PSMD4: variants seen among roughly 807,000 people sequenced by gnomAD.
The protein encoded by PSMD4 is 26S proteasome non-ATPase regulatory subunit 4.
A neutral mutation model predicts 39.7 loss-of-function variants in PSMD4; 5 were observed. The ratio of observed to expected loss-of-function variants is 0.13; its 90% CI spans 0.07 to 0.26. The LOEUF is 0.26. PSMD4 is among the 10% of genes least tolerant of loss of function. The probability of loss-of-function intolerance (pLI) is 1.00; values close to 1 mark genes in which losing one functional copy is unlikely to be tolerated. For missense variants in PSMD4, 272 were observed against 486.1 expected (o/e 0.56, Z 4.14); for synonymous variants, 143 against 174.6 (o/e 0.82, Z 1.43).
At chr1:151,256,651 A>G (rs1267731135) in intron 1 of PSMD4, among the ~76,000 whole-genome samples, 1 of 148,910 alleles carries the variant, frequency 6.7e-6, no homozygotes, top group Non-Finnish European at 1.5e-5. Flanking sequence ...TGGCCAGGCT[A>G]GTCTCAAACT....
chr1:151,264,594 G>C (rs1693385010), intron 3 of PSMD4, among the ~76,000 whole-genome samples: 2 of 150,822 alleles, frequency 1.3e-5, no homozygotes, highest in Admixed American at 1.3e-4. Flanking sequence ...CTGGGCGACA[G>C]AGCGAGACTC....
At chr1:151,256,629 G>A (rs1483182409) in intron 1 of PSMD4, among the ~76,000 whole-genome samples, 1 of 149,994 alleles carries the variant, frequency 6.7e-6, no homozygotes, top group Non-Finnish European at 1.5e-5. Context: ...TAGAGACGGG[G>A]TTTCATCATG....
chr1:151,264,903 G>T lies in PSMD4; in HGVS notation c.354G>T (p.Glu118Asp), dbSNP rs746131111. The T allele has an allele frequency of 1.2e-6, 2 of 1,612,634 alleles. No individual in the cohort carries two copies. Among genetic ancestry groups the T allele is most frequent in the Non-Finnish European group, 1.7e-6 (2 of 1,179,054 alleles). ...RIIAFVGSPV[E>D]DNEKDLVKLA... ...TTGCCTTTGTGGGAAGCCCAGTGGA[G>T]GACAATGAGAAGGATGTGAGTCCAA... Residue 118 changes from glutamate (E) to aspartate (D), a missense_variant, in exon 4 of 10, where the codon GAG becomes GAT. Glu to Asp is a conservative substitution (Grantham distance 45). Around this residue, in one of 3 missense-constraint regions of PSMD4, gnomAD observed 153 missense variants for 257.6 expected, o/e 0.59. Transcript: ENST00000368884.
At chr1:151,258,941 C>CA (rs1336365664) in intron 1 of PSMD4, 1 of 152,090 alleles carries the variant, frequency 6.6e-6, no homozygotes, top group Non-Finnish European at 1.5e-5. Flanking sequence ...TGGCCAGGTG[C>CA]GGTGGCTTAC....
chr1:151,262,051 A>G (rs916357999), intron 1 of PSMD4, 110 bp from the exon 2 acceptor site: 28 of 1,164,420 alleles, frequency 2.4e-5, no homozygotes, highest in African/African-American at 2.3e-4. Context: ...AAAAAAAGCT[A>G]CAGGTGATGC....
rs778812221 is a variant in PSMD4 at position 151,265,475 on chromosome 1, C to A, written c.520C>A (p.Pro174Thr). Residue 174 changes from proline to threonine, a missense_variant, in exon 6 of 10, where the codon CCT becomes ACT. Pro to Thr is a conservative substitution (Grantham distance 38). Transcript: ENST00000368884. ...DGTGSHLVTVPPGPSLADALI... is the reference protein window; with the variant it reads ...DGTGSHLVTVTPGPSLADALI... The stretch of plus-strand genomic sequence containing the variant: ...AACCGGTTCTCATCTGGTGACAGTG[C>A]CTCCTGGGCCCAGTTTGGCTGATGC... The A allele has an allele frequency of 5.0e-6, 8 of 1,614,072 alleles. No individual in the cohort carries two copies. Among genetic ancestry groups the A allele is most frequent in the East Asian group, 2.2e-5 (1 of 44,902 alleles).
chr1:151,256,334 A>G (rs1212907021), intron 1 of PSMD4, among the ~76,000 whole-genome samples: 2 of 112,226 alleles, frequency 1.8e-5, no homozygotes, highest in Non-Finnish European at 3.8e-5. Flanking sequence ...ACAGAGTGAG[A>G]CTCCCTCTCA....
chr1:151,258,537 T>C (rs1457240457), intron 1 of PSMD4, among the ~76,000 whole-genome samples: 1 of 143,634 alleles, frequency 7.0e-6, no homozygotes, highest in African/African-American at 2.6e-5. Context: ...CTTGGCTCAC[T>C]GCAGCCTCGA....
Position 151,254,806 on chromosome 1 carries a change from G to A in PSMD4, c.24G>A (p.Val8=). The A allele has an allele frequency of 6.5e-7, 1 of 1,534,016 alleles. No individual in the cohort carries two copies. Among genetic ancestry groups the A allele is most frequent in the Non-Finnish European group, 8.7e-7 (1 of 1,146,530 alleles). Residue 8 remains valine, a splice_region_variant and synonymous_variant, in exon 1 of 10, where the codon GTG becomes GTA. Transcript: ENST00000368884. MVLESTM[V]CVDNSEYMRN... is the part of the protein sequence containing the mutation. ...AGATGGTGTTGGAAAGCACTATGGT[G>A]TGGTGAGGAGCTACTTCGGGGCAGG...
At chr1:151,265,783 C>T (rs1693435823) in intron 6 of PSMD4, among the ~76,000 whole-genome samples, 174 bp downstream of exon 6, 1 of 152,188 alleles carries the variant, frequency 6.6e-6, no homozygotes, top group Non-Finnish European at 1.5e-5. Flanking sequence ...TCTAGGGGCA[C>T]CAGTGTCAGA....
intron 1 of PSMD4, among the ~76,000 whole-genome samples, chr1:151,261,277 G>A (rs1336868364): frequency 6.6e-6 from 1 of 150,818 alleles, no homozygotes; most frequent in Admixed American, 6.6e-5. Context: ...CTGGGTTCAG[G>A]CGATTCTTCT....
At chr1:151,264,746 C>G (rs1693390271) in intron 3 of PSMD4, 86 bp from the exon 4 acceptor site, 18 of 1,093,246 alleles carry the variant, frequency 1.6e-5, no homozygotes, top group South Asian at 1.5e-4. Context: ...TACAAAGAAA[C>G]TGTAAGAAAA....
chr1:151,264,094 TTTCTCCCCTGGA>T, intron 3 of PSMD4, 66 bp downstream of exon 3: 1 of 1,245,594 alleles, frequency 8.0e-7, no homozygotes, highest in Non-Finnish European at 1.1e-6. Context: ...ATCATACTCA[TTTCTCCCCTGGA>T]ATCCTGAGCT....
intron 2 of PSMD4, among the ~76,000 whole-genome samples, chr1:151,263,481 A>G (rs1693356953): frequency 6.7e-6 from 1 of 149,256 alleles, no homozygotes. Context: ...AAAAAGAAGA[A>G]TAGAGATTAC....
At chr1:151,261,759 G>C (rs1693323742) in intron 1 of PSMD4, among the ~76,000 whole-genome samples, 1 of 151,986 alleles carries the variant, frequency 6.6e-6, no homozygotes, top group South Asian at 2.1e-4. Context: ...TTCAAGACCA[G>C]CTTGGGCAAC....
intron 3 of PSMD4, among the ~76,000 whole-genome samples, chr1:151,264,320 A>T (rs587703149): frequency 6.9e-6 from 1 of 145,256 alleles, no homozygotes; most frequent in African/African-American, 2.6e-5. Context: ...GCCTGGGCAC[A>T]TAGGGAGACC....
intron 9 of PSMD4, 170 bp downstream of exon 9, chr1:151,266,757 C>A: frequency 1.1e-6 from 1 of 885,674 alleles, no homozygotes. Context: ...TGCTAATGGT[C>A]AGAGTTGGAG....
chr1:151,261,468 C>T (rs1215981125), intron 1 of PSMD4, among the ~76,000 whole-genome samples: 3 of 152,130 alleles, frequency 2.0e-5, no homozygotes, highest in African/African-American at 7.2e-5. Context: ...AGCCACCGCG[C>T]CCAGCTATAG....
chr1:151,267,075 G>A (rs1481240253), intron 9 of PSMD4, 98 bp from the exon 10 acceptor site: 12 of 1,426,318 alleles, frequency 8.4e-6, no homozygotes, highest in Non-Finnish European at 1.2e-5. Flanking sequence ...ACAGTCAGAA[G>A]GCAGGGGGCC....
Sources: allele counts gnomAD v4.1 joint callset (sites outside exome capture counted in the v4.1 genomes callset), GRCh38; gene constraint gnomAD v4.1.1; regional missense constraint gnomAD v4.1.1; transcripts MANE v1.5; gene names NCBI Gene and HGNC (gene_info 2026-07-23, HGNC 2026-07-21).